CHODL: variants seen among roughly 807,000 people sequenced by gnomAD.
The protein encoded by CHODL is transmembrane protein MT75.
CHODL carries 29 observed loss-of-function variants against 34.5 expected under a neutral mutation model. The ratio of observed to expected loss-of-function variants is 0.84; its 90% CI spans 0.63 to 1.15. The LOEUF is 1.15. Among genes scored for constraint, CHODL ranks in the 50% most tolerant of loss-of-function variants. CHODL has a pLI of 0.00. For synonymous variants in CHODL, 125 were observed against 116.1 expected (o/e 1.08, Z -0.49); for missense variants, 332 against 332.5 (o/e 1.00, Z 0.01).
chr21:18,031,027 A>C (rs1360589584), intron 2 of CHODL, among the ~76,000 whole-genome samples: 1 of 152,182 alleles, frequency 6.6e-6, no homozygotes, highest in Admixed American at 6.5e-5. Context: ...GAGTCAGTCA[A>C]GAACCAAATG....
At chr21:17,988,314 A>G (rs942997748) in intron 1 of CHODL, among the ~76,000 whole-genome samples, 10 of 151,010 alleles carry the variant, frequency 6.6e-5, no homozygotes, top group Non-Finnish European at 1.3e-4. Context: ...AGCTGGGCCA[A>G]CCTCATCTAC....
intron 1 of CHODL, among the ~76,000 whole-genome samples, chr21:18,006,345 TTAAAA>T (rs950376992): frequency 8.0e-5 from 12 of 150,714 alleles, no homozygotes; most frequent in South Asian, 2.1e-4. Context: ...TGCCTGGAAC[TTAAAA>T]TAAAAGAAAA....
intron 1 of CHODL, among the ~76,000 whole-genome samples, chr21:17,964,876 G>C (rs887587759): frequency 5.3e-5 from 8 of 152,154 alleles, no homozygotes; most frequent in Admixed American, 4.6e-4. Flanking sequence ...CCACAGATGT[G>C]TTGGGGCAGC....
intron 1 of CHODL, among the ~76,000 whole-genome samples, chr21:17,948,621 A>G (rs2063431780): frequency 6.6e-6 from 1 of 152,212 alleles, no homozygotes; most frequent in South Asian, 2.1e-4. Context: ...GTCTATAACA[A>G]ACAATTATAT....
At chr21:18,015,554 G>A (rs990276779) in intron 1 of CHODL, among the ~76,000 whole-genome samples, 3 of 152,118 alleles carry the variant, frequency 2.0e-5, no homozygotes, top group Admixed American at 2.0e-4. Context: ...CCTGAAAATG[G>A]GGAAGTGACC....
intron 2 of CHODL, among the ~76,000 whole-genome samples, chr21:18,196,871 C>T (rs908208545): frequency 3.9e-5 from 6 of 151,982 alleles, no homozygotes; most frequent in Non-Finnish European, 7.4e-5. Context: ...TTCAGTTATG[C>T]CAATGAATTG....
chr21:18,049,319 G>C (rs1403288456), intron 2 of CHODL, among the ~76,000 whole-genome samples: 6 of 151,890 alleles, frequency 4.0e-5, no homozygotes, highest in Non-Finnish European at 8.8e-5. Context: ...CCAAACTCAT[G>C]GGAAAATTTT....
chr21:18,079,222 G>C (rs970487831), intron 2 of CHODL, among the ~76,000 whole-genome samples: 1 of 151,850 alleles, frequency 6.6e-6, no homozygotes, highest in Non-Finnish European at 1.5e-5. Context: ...AGAACATGTG[G>C]TCTTTAACTT....
At chr21:18,050,349 ATTATAAAGTCC>A (rs2064498350) in intron 2 of CHODL, among the ~76,000 whole-genome samples, 1 of 151,956 alleles carries the variant, frequency 6.6e-6, no homozygotes, top group African/African-American at 2.4e-5. Flanking sequence ...TTTGAATTGC[ATTATAAAGTCC>A]TTGAACACGT....
Position 17,955,163 on chromosome 21 carries a change from C to T in CHODL, c.-145+37763C>T, listed in dbSNP as rs970823157. On this transcript the variant is annotated intron_variant, in intron 1 of 6. Transcript: ENST00000400127. ...AAGAAATTTTTACCTTCAATGTTGA[C>T]CAACTGAATAAAAATTCAGCCACCT... 1.5e-5 allele frequency among the ~76,000 whole-genome samples: 2 copies of T among 135,808 alleles called. 1 individual carries two copies. Among genetic ancestry groups the T allele is most frequent in the Non-Finnish European group, 3.3e-5 (2 of 59,974 alleles). The allele number at this position is 135,808 out of a possible 152,430, so 89.1% of individuals were successfully genotyped here.
intron 2 of CHODL, among the ~76,000 whole-genome samples, chr21:18,064,404 A>T (rs1342764431): frequency 6.6e-6 from 1 of 152,234 alleles, no homozygotes; most frequent in Non-Finnish European, 1.5e-5. Context: ...AATAAAAATG[A>T]ATCCAAATTA....
intron 2 of CHODL, among the ~76,000 whole-genome samples, chr21:18,185,838 A>G (rs908537972): frequency 4.6e-5 from 7 of 152,132 alleles, no homozygotes; most frequent in African/African-American, 1.7e-4. Context: ...CTAACCTTAT[A>G]TGGTAGAAAA....
intron 1 of CHODL, among the ~76,000 whole-genome samples, chr21:18,008,335 T>A (rs760331997): frequency 2.7e-5 from 4 of 147,420 alleles, no homozygotes; most frequent in Admixed American, 2.0e-4. Context: ...TGTGTGTGTG[T>A]TGTAACAATA....
chr21:18,251,601 T>G (rs1316671823), intron 1 of CHODL, among the ~76,000 whole-genome samples: 1 of 72,120 alleles, frequency 1.4e-5, no homozygotes, highest in East Asian at 3.2e-4. Context: ...ATTTTATTTA[T>G]TTATTTTAAT....
chr21:18,237,123 T>TA (rs762376292), intron 2 of CHODL, among the ~76,000 whole-genome samples: 2 of 152,110 alleles, frequency 1.3e-5, no homozygotes, highest in African/African-American at 2.4e-5. Context: ...AACCACATGT[T>TA]AAATATCAGG....
At chr21:18,009,819 C>T (rs391970) in intron 1 of CHODL, among the ~76,000 whole-genome samples, 54,727 of 145,922 alleles carry the variant, frequency 0.38, 12,661 homozygotes, top group African/African-American at 0.67. Flanking sequence ...ACCTGGGAAG[C>T]GGAGCTTGCA....
intron 2 of CHODL, among the ~76,000 whole-genome samples, chr21:18,069,306 A>G (rs1171832488): frequency 6.6e-6 from 1 of 152,148 alleles, no homozygotes; most frequent in African/African-American, 2.4e-5. Context: ...GGACCTTTGC[A>G]TTCAACTTGG....
chr21:18,252,534 A>G (rs2074270245), intron 1 of CHODL, among the ~76,000 whole-genome samples: 2 of 152,054 alleles, frequency 1.3e-5, no homozygotes, highest in African/African-American at 4.8e-5. Flanking sequence ...GAGTGGTGAG[A>G]CGTTCAATAG....
In CHODL at chr21:17,979,002, C is replaced by G. The variant is rs527368067; in HGVS notation, c.-144-48870C>G. ...TGAATCCTTCTCATGCTTGAACTTT[C>G]CTTTGCTTTCCTCTTCTTTTTCCAG... On this transcript the variant is annotated intron_variant, in intron 1 of 6. Transcript: ENST00000400127. Among the ~76,000 whole-genome samples, 10 of 152,230 alleles carry G rather than the reference C, an allele frequency of 6.6e-5. No homozygotes were observed. The South Asian group carries it at 1.9e-3, about 28-fold the overall frequency.
Sources: gnomAD v4.1 joint callset for allele counts (sites outside exome capture counted in the v4.1 genomes callset) on GRCh38, gnomAD v4.1.1 for gene constraint, MANE v1.5 for transcripts, NCBI Gene and HGNC (gene_info 2026-07-23, HGNC 2026-07-21) for gene names.